Variants in ADCY7 observed in about 807,000 individuals in gnomAD.
ADCY7 encodes adenylate cyclase 7, also known as adenylate cyclase type 7.
ADCY7 carries 72 observed loss-of-function variants against 120.6 expected under a neutral mutation model. The ratio of observed to expected loss-of-function variants is 0.60; its 90% CI spans 0.49 to 0.73. The LOEUF is 0.73. ADCY7 is among the 30% of genes least tolerant of loss of function. The pLI, the probability that ADCY7 is intolerant of heterozygous loss-of-function variation, is 0.00. For synonymous variants in ADCY7, 661 were observed against 628.0 expected (o/e 1.05, Z -0.78); for missense variants, 1,227 against 1,486.0 (o/e 0.83, Z 2.87).
intron 1 of ADCY7, among the ~76,000 whole-genome samples, chr16:50,251,860 G>T (rs1243972975): frequency 6.6e-6 from 1 of 152,180 alleles, no homozygotes; most frequent in Non-Finnish European, 1.5e-5. Flanking sequence ...CCCCTTCCCC[G>T]GCCTGCTCCC....
rs374350305 is a variant in ADCY7, at chr16:50,294,630, C to G, written c.837-10C>G. 3 of 1,541,546 alleles carry G rather than the reference C, an allele frequency of 1.9e-6. No individual in the cohort carries two copies. Among genetic ancestry groups the G allele is most frequent in the East Asian group, 2.3e-5 (1 of 44,422 alleles). On this transcript the variant is annotated splice_polypyrimidine_tract_variant and intron_variant, in intron 6 of 25. Coordinates refer to ENST00000673801, the MANE Select transcript of ADCY7 (RefSeq NM_001114.5). ...CTCTGACACTCCCTCCCACCCTGCC[C>G]CATCCCCAGCATCCTCTATGCGGAC...
chr16:50,252,461 G>C (rs1199503440), intron 1 of ADCY7, among the ~76,000 whole-genome samples: 2 of 152,150 alleles, frequency 1.3e-5, no homozygotes, highest in Non-Finnish European at 2.9e-5. Context: ...TGTGTGCCTG[G>C]GCAGGCATTG....
chr16:50,247,430 T>C (rs2032624616), intron 1 of ADCY7, among the ~76,000 whole-genome samples: 1 of 151,856 alleles, frequency 6.6e-6, no homozygotes, highest in Non-Finnish European at 1.5e-5. Flanking sequence ...GGCACAATCA[T>C]GGCTTACGGC....
chr16:50,307,005 G>A, intron 14 of ADCY7, 45 bp from the exon 15 acceptor site: 2 of 1,499,196 alleles, frequency 1.3e-6, no homozygotes, highest in Non-Finnish European at 1.8e-6. Flanking sequence ...GGGTGGGCAA[G>A]TGGCACTGCT....
intron 14 of ADCY7, 120 bp from the exon 15 acceptor site, chr16:50,306,930 A>G: frequency 1.3e-6 from 1 of 749,382 alleles, no homozygotes; most frequent in Admixed American, 2.4e-5. Context: ...AAGTGCTGGG[A>G]TTACAAGCGT....
Position 50,292,772 on chromosome 16 carries a change from A to G in ADCY7, c.634A>G (p.Thr212Ala). The G allele has an allele frequency of 6.2e-7, 1 of 1,613,790 alleles. No homozygotes were observed. The highest frequency in any genetic ancestry group is 8.5e-7 in the Non-Finnish European group (1 of 1,179,956). Residue 212 changes from threonine to alanine, a missense_variant, in exon 5 of 26, where the codon ACT (threonine) becomes GCT (alanine). Coordinates refer to ENST00000673801, the MANE Select transcript of ADCY7 (RefSeq NM_001114.5). The part of the protein sequence containing the change: ...QDASRDLFTY[T>A]VKCIQIRRKL... ...TGCATCCCGGGACCTCTTCACCTAC[A>G]CTGTGAAGTGCATCCAGATCCGCCG... is the stretch of plus-strand genomic sequence containing the variant.
At chr16:50,290,948 A>G (rs1242520496) in intron 3 of ADCY7, among the ~76,000 whole-genome samples, 22 of 152,202 alleles carry the variant, frequency 1.4e-4, no homozygotes, top group Admixed American at 1.4e-3. Context: ...GTGTCAGGAA[A>G]GGCCAAGGGG....
At chr16:50,305,125 G>A (rs998664117) in intron 12 of ADCY7, among the ~76,000 whole-genome samples, 166 bp downstream of exon 12, 5 of 152,212 alleles carry the variant, frequency 3.3e-5, no homozygotes, top group African/African-American at 1.2e-4. Flanking sequence ...AGAGTTTCCT[G>A]GCCCCTGGCC....
At chr16:50,303,382 T>C (rs979362081) in intron 10 of ADCY7, among the ~76,000 whole-genome samples, 3 of 152,166 alleles carry the variant, frequency 2.0e-5, no homozygotes, top group Non-Finnish European at 4.4e-5. Flanking sequence ...GCTTATCGAG[T>C]GCTTGTAGCT....
chr16:50,300,830 G>T lies in ADCY7; in HGVS notation c.1192G>T (p.Asp398Tyr). 6.4e-7 allele frequency: 1 copy of T among 1,558,158 alleles called. No individual in the cohort carries two copies. Among genetic ancestry groups the T allele is most frequent in the South Asian group, 1.2e-5 (1 of 84,502 alleles). ...RKWQYDVWSHDVSLANRMEAA... is the reference protein window; with the variant it reads ...RKWQYDVWSHYVSLANRMEAA... ...GTGGCAGTATGACGTGTGGTCCCAC[G>T]ACGTGTCCCTGGCCAACCGGATGGA... Residue 398 changes from aspartate to tyrosine, a missense_variant, in exon 9 of 26, where the codon GAC (aspartate) becomes TAC (tyrosine). Asp to Tyr is a radical substitution (Grantham distance 160). Coordinates refer to ENST00000673801, the MANE Select transcript of ADCY7 (RefSeq NM_001114.5).
At chr16:50,276,948 T>A (rs1033584171) in intron 1 of ADCY7, among the ~76,000 whole-genome samples, 5 of 145,730 alleles carry the variant, frequency 3.4e-5, no homozygotes, top group African/African-American at 1.2e-4. Context: ...TATTACACAT[T>A]TTTTTTTTTT....
chr16:50,311,815 C>G (rs913483167), intron 20 of ADCY7, 29 bp downstream of exon 20: 21 of 1,183,410 alleles, frequency 1.8e-5, no homozygotes, highest in Non-Finnish European at 2.2e-5. Flanking sequence ...CCCCCCCCCC[C>G]AAGCTCTGCC....
At chr16:50,299,101 G>A in intron 8 of ADCY7, 70 bp downstream of exon 8, 1 of 1,499,102 alleles carries the variant, frequency 6.7e-7, no homozygotes. Context: ...GGTAGGGGAT[G>A]TGTCATTCTC....
chr16:50,253,987 C>G (rs2032837756), intron 1 of ADCY7, among the ~76,000 whole-genome samples: 1 of 152,220 alleles, frequency 6.6e-6, no homozygotes, highest in Non-Finnish European at 1.5e-5. Flanking sequence ...CTCTCTCTGT[C>G]TGTCTCTCTC....
At chr16:50,249,445 AAACAACAACAAC>A (rs57815436) in intron 1 of ADCY7, among the ~76,000 whole-genome samples, 2 of 150,056 alleles carry the variant, frequency 1.3e-5, no homozygotes, top group African/African-American at 4.9e-5. Context: ...ACTCCGTCTA[AAACAACAACAAC>A]AACAACAACA....
intron 1 of ADCY7, among the ~76,000 whole-genome samples, chr16:50,254,372 A>C (rs2032850424): frequency 6.6e-6 from 1 of 152,234 alleles, no homozygotes; most frequent in Non-Finnish European, 1.5e-5. Context: ...TGTTACTAAA[A>C]GATAAGATGC....
chr16:50,246,898 C>T (rs1247447093), intron 1 of ADCY7, among the ~76,000 whole-genome samples: 1 of 152,198 alleles, frequency 6.6e-6, no homozygotes, highest in Non-Finnish European at 1.5e-5. Flanking sequence ...CCCTCAAAGG[C>T]CAGGAACTCC....
At chr16:50,313,202 A>G (rs1164749405) in intron 22 of ADCY7, 166 bp downstream of exon 22, 2 of 861,702 alleles carry the variant, frequency 2.3e-6, no homozygotes, top group Non-Finnish European at 3.4e-6. Flanking sequence ...GGATCACTTG[A>G]GGCTAGGAGT....
intron 8 of ADCY7, 45 bp from the exon 9 acceptor site, chr16:50,300,670 C>T: frequency 6.5e-7 from 1 of 1,547,076 alleles, no homozygotes; most frequent in Non-Finnish European, 8.7e-7. Flanking sequence ...TCAGCCTGTC[C>T]CAGGGCTTAG....
Sources: gnomAD v4.1 joint callset for allele counts (sites outside exome capture counted in the v4.1 genomes callset) on GRCh38, gnomAD v4.1.1 for gene constraint, MANE v1.5 for transcripts, NCBI Gene and HGNC (gene_info 2026-07-23, HGNC 2026-07-21) for gene names.